Variants in KCNIP1 observed in about 807,000 individuals in gnomAD.
The protein encoded by KCNIP1 is A-type potassium channel modulatory protein KCNIP1.
KCNIP1 carries 18 observed loss-of-function variants against 33.0 expected under a neutral mutation model. The observed-to-expected ratio is 0.55, with a 90% confidence interval of 0.38 to 0.81. The LOEUF (loss-of-function observed/expected upper bound fraction) is 0.81, where lower values mean the gene tolerates loss of function less well. Among genes scored for constraint, KCNIP1 ranks in the 30% least tolerant of loss-of-function variants. The pLI is 0.00. For synonymous variants in KCNIP1, 93 were observed against 98.3 expected, an observed-to-expected ratio of 0.95 and a Z score of 0.32; for missense variants, 238 against 271.6, an observed-to-expected ratio of 0.88 and a Z score of 0.87.
intron 1 of KCNIP1, among the ~76,000 whole-genome samples, chr5:170,433,434 G>A (rs1018832782): frequency 2.6e-5 from 4 of 152,128 alleles, no homozygotes; most frequent in Non-Finnish European, 5.9e-5. Context: ...TGATCCGCCC[G>A]CCTCGGCACC....
At chr5:170,474,580 C>T (rs1003987356) in intron 1 of KCNIP1, among the ~76,000 whole-genome samples, 2 of 152,184 alleles carry the variant, frequency 1.3e-5, no homozygotes, top group Admixed American at 6.5e-5. Flanking sequence ...GGCCCCAGAC[C>T]TTAAGCTTTA....
At chr5:170,732,466 A>G (rs1399784326) in intron 5 of KCNIP1, among the ~76,000 whole-genome samples, 2 of 152,166 alleles carry the variant, frequency 1.3e-5, no homozygotes, top group Non-Finnish European at 2.9e-5. Flanking sequence ...TAGAACATTA[A>G]CTTTTTAAAA....
chr5:170,450,823 G>A (rs1756232639), intron 1 of KCNIP1, among the ~76,000 whole-genome samples: 1 of 152,140 alleles, frequency 6.6e-6, no homozygotes, highest in Non-Finnish European at 1.5e-5. Context: ...ATCGCAAGCT[G>A]AGCGCTCATC....
chr5:170,718,401 C>T (rs1228708504), intron 1 of KCNIP1, among the ~76,000 whole-genome samples: 1 of 152,118 alleles, frequency 6.6e-6, no homozygotes, highest in African/African-American at 2.4e-5. Flanking sequence ...TGCTTACTTG[C>T]CTGTGTCTCT....
intron 1 of KCNIP1, among the ~76,000 whole-genome samples, chr5:170,385,781 A>C (rs2113347129): frequency 6.6e-6 from 1 of 152,152 alleles, no homozygotes; most frequent in African/African-American, 2.4e-5. Flanking sequence ...GGAAGCTATC[A>C]ATGTTACTTT....
At chr5:170,551,661 TGTGA>T (rs34123823) in intron 1 of KCNIP1, among the ~76,000 whole-genome samples, 13,658 of 151,888 alleles carry the variant, frequency 0.09, 783 homozygotes, top group Middle Eastern at 0.2. Context: ...CTTGAGTGAC[TGTGA>T]GTGGTTGTGA....
At chr5:170,732,162 A>G (rs1764229374) in intron 5 of KCNIP1, among the ~76,000 whole-genome samples, 1 of 152,254 alleles carries the variant, frequency 6.6e-6, no homozygotes, top group South Asian at 2.1e-4. Flanking sequence ...GGGTCTCTGT[A>G]GAAACCAGGT....
At position 170,354,541 on chromosome 5, in the gene KCNIP1, T is replaced by C. The variant is rs373356311; in HGVS notation, c.88+577T>C. Among the ~76,000 whole-genome samples the C allele has an allele frequency of 5.9e-5, 9 of 152,186 alleles. No homozygotes were observed. In the East Asian group the frequency reaches 7.7e-4, roughly 13 times the overall value. On this transcript the variant is annotated intron_variant, in intron 1 of 7. Coordinates refer to the KCNIP1 transcript ENST00000377360. ...ATCGTTCTGCTTTCTTGGATCCCTG[T>C]CCCTCCACATTTCATGCCTATGTCC...
intron 1 of KCNIP1, among the ~76,000 whole-genome samples, chr5:170,563,912 A>G (rs1490260881): frequency 6.6e-6 from 1 of 152,206 alleles, no homozygotes; most frequent in African/African-American, 2.4e-5. Flanking sequence ...TGCTGGGATT[A>G]CAAGCGTGAG....
rs576194024 is a variant in KCNIP1 at position 170,414,244 on chromosome 5, C to T, written c.88+60280C>T. Among the ~76,000 whole-genome samples, 4 of 152,310 alleles carry T rather than the reference C, an allele frequency of 2.6e-5. No homozygotes were observed. In the South Asian group the frequency reaches 6.2e-4, roughly 24 times the overall value. On this transcript the variant is annotated intron_variant, in intron 1 of 7. Transcript: ENST00000377360. Reference sequence around the variant, plus strand: ...TCTGCTGTGAGACATGCAATCAACCCGATGAAGCTTTTTAGGAAAAAGTCT... The same window carrying T: ...TCTGCTGTGAGACATGCAATCAACCTGATGAAGCTTTTTAGGAAAAAGTCT...
Position 170,709,789 on chromosome 5 carries a change from G to A in KCNIP1, c.62-8969G>A, listed in dbSNP as rs572831021. Among the ~76,000 whole-genome samples the A allele has an allele frequency of 2.0e-5, 3 of 151,882 alleles. No individual in the cohort carries two copies. The South Asian group carries it at 6.2e-4, about 32-fold the overall frequency. ...ATCATTATTTATCTCTTTCTTTTCT[G>A]AGACTCCAATTATACATATGTTCAA... On this transcript the variant is annotated intron_variant, in intron 1 of 7. Transcript: ENST00000328939.
chr5:170,482,270 T>G (rs1756995269), intron 1 of KCNIP1, among the ~76,000 whole-genome samples: 1 of 152,150 alleles, frequency 6.6e-6, no homozygotes, highest in Admixed American at 6.5e-5. Context: ...CCCCCAGCAG[T>G]GCCCATCTAC....
chr5:170,536,744 G>T (rs1004022556), intron 1 of KCNIP1, among the ~76,000 whole-genome samples: 1 of 152,142 alleles, frequency 6.6e-6, no homozygotes, highest in Non-Finnish European at 1.5e-5. Flanking sequence ...CAGTGCACCG[G>T]AGTTAAAAAT....
At chr5:170,357,430 C>T (rs370351822) in intron 1 of KCNIP1, among the ~76,000 whole-genome samples, 1 of 152,348 alleles carries the variant, frequency 6.6e-6, no homozygotes, top group African/African-American at 2.4e-5. Flanking sequence ...GACTCCCTCT[C>T]ACTCATTACT....
intron 1 of KCNIP1, among the ~76,000 whole-genome samples, chr5:170,463,831 A>G (rs897804840): frequency 6.6e-6 from 1 of 152,208 alleles, no homozygotes; most frequent in Non-Finnish European, 1.5e-5. Flanking sequence ...ACAATTAGGC[A>G]AGGAAATGAA....
At chr5:170,714,960 T>C (rs528315297) in intron 1 of KCNIP1, among the ~76,000 whole-genome samples, 1 of 152,330 alleles carries the variant, frequency 6.6e-6, no homozygotes, top group Non-Finnish European at 1.5e-5. Context: ...TGTTTAGTAA[T>C]ATCCCAGGCC....
At chr5:170,434,865 G>T (rs1755824595) in intron 1 of KCNIP1, among the ~76,000 whole-genome samples, 1 of 152,226 alleles carries the variant, frequency 6.6e-6, no homozygotes, top group Non-Finnish European at 1.5e-5. Context: ...TGAGGCAGGA[G>T]AATCACTTGA....
At chr5:170,599,861 A>AGCTTGTT (rs1758624937) in intron 1 of KCNIP1, among the ~76,000 whole-genome samples, 3 of 152,192 alleles carry the variant, frequency 2.0e-5, no homozygotes, top group Admixed American at 6.5e-5. Flanking sequence ...TTGAAAGAAA[A>AGCTTGTT]TATATTCTAC....
intron 1 of KCNIP1, among the ~76,000 whole-genome samples, chr5:170,655,048 A>C (rs1316337269): frequency 6.6e-6 from 1 of 152,258 alleles, no homozygotes; most frequent in Non-Finnish European, 1.5e-5. Context: ...AAAATATATT[A>C]CAAAATAATG....
Sources: allele counts gnomAD v4.1 joint callset (sites outside exome capture counted in the v4.1 genomes callset), GRCh38; gene constraint gnomAD v4.1.1; transcripts MANE v1.5; gene names NCBI Gene and HGNC (gene_info 2026-07-23, HGNC 2026-07-21).